GALNT17: variants seen among roughly 807,000 people sequenced by gnomAD.
GALNT17 encodes polypeptide N-acetylgalactosaminyltransferase 17.
In GALNT17, 29 loss-of-function variants were observed where a neutral mutation model predicts 63.7. That is an observed-to-expected ratio of 0.46 (90% CI 0.34 to 0.62). GALNT17 has a LOEUF of 0.62. Among genes scored for constraint, GALNT17 ranks in the 20% least tolerant of loss-of-function variants. The pLI is 0.01. For synonymous variants in GALNT17, 305 were observed against 318.3 expected, an observed-to-expected ratio of 0.96 and a Z score of 0.45; for missense variants, 603 against 799.6, an observed-to-expected ratio of 0.75 and a Z score of 2.97.
chr7:71,285,268 A>G (rs1790852821), intron 1 of GALNT17, among the ~76,000 whole-genome samples: 1 of 152,154 alleles, frequency 6.6e-6, no homozygotes, highest in Non-Finnish European at 1.5e-5. Context: ...AGCCTTTTCT[A>G]TTAATAAAGA....
intron 1 of GALNT17, 143 bp from the exon 2 acceptor site, chr7:71,335,407 A>G: frequency 1.2e-6 from 1 of 816,910 alleles, no homozygotes; most frequent in Non-Finnish European, 1.8e-6. Flanking sequence ...TTCAGGGCCT[A>G]TACCTGAGTT....
rs1789783055 is a variant in GALNT17, at chr7:71,590,591, G to A, written c.1080+19189G>A. Among the ~76,000 whole-genome samples the A allele has an allele frequency of 8.5e-5, 13 of 152,318 alleles. No individual in the cohort carries two copies. The South Asian group carries it at 2.7e-3, about 32-fold the overall frequency. ...AGGCCCTAGGAGATGACATCCTGATGTGCTTGTTGTCATTTTCTACTATTT... is the reference window on the plus strand; with the variant it reads ...AGGCCCTAGGAGATGACATCCTGATATGCTTGTTGTCATTTTCTACTATTT... On this transcript the variant is annotated intron_variant, in intron 6 of 10. Transcript: ENST00000333538.
At chr7:71,337,024 A>T (rs1300734715) in intron 2 of GALNT17, among the ~76,000 whole-genome samples, 2 of 151,998 alleles carry the variant, frequency 1.3e-5, no homozygotes, top group Non-Finnish European at 2.9e-5. Context: ...TTTAATGATA[A>T]TCATTATGAC....
At chr7:71,533,514 G>A (rs1427374893) in intron 5 of GALNT17, among the ~76,000 whole-genome samples, 1 of 152,034 alleles carries the variant, frequency 6.6e-6, no homozygotes, top group Admixed American at 6.5e-5. Flanking sequence ...GCTGGTGAGA[G>A]CCTGTTTTCC....
In GALNT17 at chr7:71,405,091, A is replaced by G. The variant is rs1793305579; in HGVS notation, c.590-10798A>G. On this transcript the variant is annotated intron_variant, in intron 3 of 10. Transcript: ENST00000333538. ...TGGAATAATGTTGTACACACTGATA[A>G]TTAGTCTGTAATCAGAAGTGTGGGT... Among the ~76,000 whole-genome samples the G allele has an allele frequency of 4.6e-5, 7 of 152,248 alleles. No individual in the cohort carries two copies. The South Asian group carries it at 1.4e-3, about 32-fold the overall frequency.
At chr7:71,358,819 G>T (rs1792341632) in intron 2 of GALNT17, among the ~76,000 whole-genome samples, 1 of 151,462 alleles carries the variant, frequency 6.6e-6, no homozygotes, top group Non-Finnish European at 1.5e-5. Flanking sequence ...TGTTGCCCAG[G>T]CTGGAGTGCA....
At chr7:71,539,207 C>T (rs919410914) in intron 5 of GALNT17, among the ~76,000 whole-genome samples, 1 of 152,154 alleles carries the variant, frequency 6.6e-6, no homozygotes, top group African/African-American at 2.4e-5. Context: ...GCTGGCATTA[C>T]AGGCATGAGC....
At chr7:71,327,061 C>T (rs1791717141) in intron 1 of GALNT17, among the ~76,000 whole-genome samples, 1 of 152,198 alleles carries the variant, frequency 6.6e-6, no homozygotes, top group Non-Finnish European at 1.5e-5. Flanking sequence ...CAGATCTAAT[C>T]TCTATTCATC....
In GALNT17 at chr7:71,416,660, A is replaced by G. The variant is rs1224566510; in HGVS notation, c.764+597A>G. ...CGGTGTATCAATTAGATAAAACTCA[A>G]CAGAATCCTTGCAAATGGTACAAGA... On this transcript the variant is annotated intron_variant, in intron 4 of 10. Transcript: ENST00000333538. Among the ~76,000 whole-genome samples the G allele has an allele frequency of 2.0e-5, 3 of 152,276 alleles. No homozygotes were observed. In the East Asian group the frequency reaches 5.8e-4, roughly 29 times the overall value.
At chr7:71,684,895 C>T (rs1224250821) in intron 9 of GALNT17, among the ~76,000 whole-genome samples, 3 of 152,236 alleles carry the variant, frequency 2.0e-5, no homozygotes. Flanking sequence ...GAACTCCCAA[C>T]CTCAAGCTGT....
intron 1 of GALNT17, among the ~76,000 whole-genome samples, chr7:71,269,498 G>C (rs1790547994): frequency 6.6e-6 from 1 of 152,118 alleles, no homozygotes; most frequent in Admixed American, 6.5e-5. Context: ...CCCTTGCTCT[G>C]TCTTCTCCCC....
chr7:71,644,550 C>CA (rs1562720789), intron 6 of GALNT17, among the ~76,000 whole-genome samples: 26 of 85,260 alleles, frequency 3.0e-4, no homozygotes, highest in African/African-American at 1.2e-3. Flanking sequence ...AAAAAAAAAA[C>CA]AAAAGAAAAA....
chr7:71,444,453 G>A (rs1331882911), intron 5 of GALNT17, among the ~76,000 whole-genome samples: 1 of 151,952 alleles, frequency 6.6e-6, no homozygotes, highest in Non-Finnish European at 1.5e-5. Flanking sequence ...ACACCTGCAG[G>A]CAGCTTCATG....
At chr7:71,429,889 T>G (rs1786827964) in intron 5 of GALNT17, among the ~76,000 whole-genome samples, 1 of 152,140 alleles carries the variant, frequency 6.6e-6, no homozygotes, top group Non-Finnish European at 1.5e-5. Context: ...GTACTTTTAG[T>G]AGAGATAAGG....
chr7:71,227,019 C>A (rs1789692187), intron 1 of GALNT17, among the ~76,000 whole-genome samples: 1 of 151,638 alleles, frequency 6.6e-6, no homozygotes, highest in Non-Finnish European at 1.5e-5. Flanking sequence ...AGCTTTTGAG[C>A]CCCTCCTTGA....
intron 1 of GALNT17, among the ~76,000 whole-genome samples, chr7:71,255,689 G>A (rs1047088778): frequency 6.6e-6 from 1 of 152,168 alleles, no homozygotes; most frequent in Non-Finnish European, 1.5e-5. Context: ...CATAGGGAAA[G>A]TAGCTCTTAA....
intron 9 of GALNT17, among the ~76,000 whole-genome samples, chr7:71,695,318 A>C (rs1345975925): frequency 6.6e-6 from 1 of 152,172 alleles, no homozygotes; most frequent in African/African-American, 2.4e-5. Context: ...ACAAAGATGT[A>C]TCCCCATTCA....
chr7:71,569,625 G>C (rs571874137), intron 5 of GALNT17, among the ~76,000 whole-genome samples: 1 of 152,280 alleles, frequency 6.6e-6, no homozygotes, highest in South Asian at 2.1e-4. Flanking sequence ...TGATGCAGTT[G>C]GTCCCTGGAC....
At chr7:71,547,645 A>C (rs1488399552) in intron 5 of GALNT17, among the ~76,000 whole-genome samples, 1 of 151,882 alleles carries the variant, frequency 6.6e-6, no homozygotes, top group Non-Finnish European at 1.5e-5. Context: ...CAGGAGTGAA[A>C]CCCGCACTGA....
Sources: allele counts gnomAD v4.1 joint callset (sites outside exome capture counted in the v4.1 genomes callset), GRCh38; gene constraint gnomAD v4.1.1; transcripts MANE v1.5; gene names NCBI Gene and HGNC (gene_info 2026-07-23, HGNC 2026-07-21).